Variants in KIF13B observed in about 807,000 individuals in gnomAD.
KIF13B encodes kinesin family member 13B, also known as kinesin-like protein KIF13B.
Under a neutral mutation model 222.0 loss-of-function variants are expected in KIF13B, and 127 were observed. The ratio of observed to expected loss-of-function variants is 0.57; its 90% CI spans 0.50 to 0.66. KIF13B has a LOEUF of 0.66. KIF13B is among the 30% of genes least tolerant of loss of function. The pLI is 0.00. For synonymous variants in KIF13B, 976 were observed against 919.0 expected, an observed-to-expected ratio of 1.06 and a Z score of -1.12; for missense variants, 2,173 against 2,379.0, an observed-to-expected ratio of 0.91 and a Z score of 1.80.
Position 29,118,963 on chromosome 8 carries a change from C to A in KIF13B, c.3565G>T (p.Asp1189Tyr). The change falls in exon 30 of 40, where the codon GAT becomes TAT. Residue 1189 changes from aspartate to tyrosine, a missense_variant. Asp to Tyr is a radical substitution (Grantham distance 160). Transcript: ENST00000524189. ...ADDFSSQDNLDDPEAGGWDAT... is the reference protein window; with the variant it reads ...ADDFSSQDNLYDPEAGGWDAT... The stretch of plus-strand genomic sequence containing the variant: ...TCCCATCCACCAGCTTCTGGGTCAT[C>A]AAGATTATCCTGAGAGCTGAAATCA... 2 of 1,613,832 alleles carry A rather than the reference C, an allele frequency of 1.2e-6. No individual in the cohort carries two copies. Among genetic ancestry groups the A allele is most frequent in the Non-Finnish European group, 1.7e-6 (2 of 1,179,802 alleles).
Position 29,071,864 on chromosome 8 carries a change from G to A in KIF13B, c.4974C>T (p.Ser1658=). The A allele has an allele frequency of 6.5e-7, 1 of 1,536,522 alleles. No individual in the cohort carries two copies. The highest frequency in any genetic ancestry group is 8.7e-7 in the Non-Finnish European group (1 of 1,145,792). The stretch of plus-strand genomic sequence containing the variant: ...GGTCCCCAGCCAGCATGCGCGAGAA[G>A]GAGCGCAACTCCGAGGCCCGCACCC... ...VRRVRASELR[S]FSRMLAGDPG... Residue 1658 remains serine, a synonymous_variant, in exon 39 of 40, where the codon TCC becomes TCT. Coordinates refer to ENST00000524189, the MANE Select transcript of KIF13B (RefSeq NM_015254.4). This position sits in a 1 kb window ranked among gnomAD's most constrained non-coding sequence, Gnocchi z 4.9.
At chr8:29,215,068 T>C (rs1439342976) in intron 2 of KIF13B, among the ~76,000 whole-genome samples, 1 of 152,162 alleles carries the variant, frequency 6.6e-6, no homozygotes, top group Non-Finnish European at 1.5e-5. Flanking sequence ...GACCTGTTGC[T>C]CCGGTGGCTC....
chr8:29,188,821 GAATA>G (rs1813055655), intron 4 of KIF13B, among the ~76,000 whole-genome samples: 1 of 152,160 alleles, frequency 6.6e-6, no homozygotes, highest in Non-Finnish European at 1.5e-5. Flanking sequence ...ATACATGCTT[GAATA>G]AATAAACACG....
At chr8:29,112,209 C>T (rs895333577) in intron 32 of KIF13B, among the ~76,000 whole-genome samples, 1 of 152,076 alleles carries the variant, frequency 6.6e-6, no homozygotes, top group Non-Finnish European at 1.5e-5. Flanking sequence ...CCAGCACGGG[C>T]GGATCACGAG....
At chr8:29,154,222 TGG>T (rs923380460) in intron 14 of KIF13B, among the ~76,000 whole-genome samples, 97 of 151,828 alleles carry the variant, frequency 6.4e-4, no homozygotes, top group African/African-American at 2.2e-3. Context: ...CAGGACGAGG[TGG>T]GAGGATCATT....
At chr8:29,241,895 T>A (rs1586974875) in intron 2 of KIF13B, among the ~76,000 whole-genome samples, 1 of 152,096 alleles carries the variant, frequency 6.6e-6, no homozygotes, top group African/African-American at 2.4e-5. Flanking sequence ...AAAAAAAGTA[T>A]GTTCGAGTTG....
Position 29,210,131 on chromosome 8 carries a change from C to T in KIF13B, c.150-13932G>A, listed in dbSNP as rs141173936. 3.5e-3 allele frequency among the ~76,000 whole-genome samples: 529 copies of T among 151,396 alleles called. 6 individuals are homozygous for T. The highest frequency in any genetic ancestry group is 0.012 in the African/African-American group (505 of 41,276). ...AGTAGTAGGAAGAGTAGTCAGACTA[C>T]CATGGATCAGGGAAGAAATGGGAAA... On this transcript the variant is annotated intron_variant, in intron 2 of 39. Transcript: ENST00000524189.
At chr8:29,158,947 T>G (rs557082575) in intron 13 of KIF13B, among the ~76,000 whole-genome samples, 183 of 152,336 alleles carry the variant, frequency 1.2e-3, no homozygotes, top group African/African-American at 4.2e-3. Context: ...TGTACCAATT[T>G]GAACTACAGT....
intron 37 of KIF13B, among the ~76,000 whole-genome samples, chr8:29,081,799 G>C (rs1586750682): frequency 6.6e-6 from 1 of 152,198 alleles, no homozygotes; most frequent in African/African-American, 2.4e-5. Flanking sequence ...GTGTTGTTGA[G>C]ATGGCACATT....
chr8:29,073,139 AC>A (rs1807389317), intron 38 of KIF13B, among the ~76,000 whole-genome samples: 1 of 50,682 alleles, frequency 2.0e-5, no homozygotes, highest in Non-Finnish European at 3.5e-5. Flanking sequence ...GAGGAGGGGG[AC>A]GAGGAGGGGG....
chr8:29,085,252 CA>C (rs1157006920), intron 37 of KIF13B, among the ~76,000 whole-genome samples: 2 of 152,190 alleles, frequency 1.3e-5, no homozygotes, highest in Non-Finnish European at 2.9e-5. Context: ...AGCTTCTCTG[CA>C]GTTATGGGTC....
At chr8:29,249,216 T>G (rs1816172412) in intron 1 of KIF13B, among the ~76,000 whole-genome samples, 2 of 152,048 alleles carry the variant, frequency 1.3e-5, no homozygotes, top group South Asian at 4.1e-4. Flanking sequence ...TCACTTGAGA[T>G]CAGGAGTCTG....
chr8:29,171,001 G>A (rs1308423374), intron 10 of KIF13B, among the ~76,000 whole-genome samples: 1 of 152,208 alleles, frequency 6.6e-6, no homozygotes, highest in South Asian at 2.1e-4. Context: ...TATTAATGTA[G>A]AAAGATGTTG....
At chr8:29,073,431 A>C (rs868500909) in intron 38 of KIF13B, among the ~76,000 whole-genome samples, 19 of 152,114 alleles carry the variant, frequency 1.2e-4, no homozygotes, top group African/African-American at 4.3e-4. Context: ...CGCTTGCCCA[A>C]ATCCTATTGT....
intron 25 of KIF13B, 56 bp downstream of exon 25, chr8:29,127,066 G>C: frequency 6.5e-7 from 1 of 1,544,196 alleles, no homozygotes; most frequent in Non-Finnish European, 8.8e-7. Flanking sequence ...GGTTCCAAAA[G>C]GCACTCTGGT....
At chr8:29,214,007 C>T (rs1321510609) in intron 2 of KIF13B, among the ~76,000 whole-genome samples, 1 of 151,990 alleles carries the variant, frequency 6.6e-6, no homozygotes, top group East Asian at 1.9e-4. Context: ...AAATACGATA[C>T]AAAAGATTTT....
intron 2 of KIF13B, among the ~76,000 whole-genome samples, chr8:29,229,558 C>T (rs140871303): frequency 1.2e-3 from 178 of 152,332 alleles, no homozygotes; most frequent in African/African-American, 4.1e-3. Context: ...AGAAGATCCA[C>T]AAACTAAAGT....
At chr8:29,230,160 G>A (rs1157037910) in intron 2 of KIF13B, among the ~76,000 whole-genome samples, 1 of 152,128 alleles carries the variant, frequency 6.6e-6, no homozygotes, top group Non-Finnish European at 1.5e-5. Flanking sequence ...AAAGGAAACA[G>A]AGGCTCAGGG....
At chr8:29,156,430 A>G (rs996881538) in intron 13 of KIF13B, among the ~76,000 whole-genome samples, 1 of 152,100 alleles carries the variant, frequency 6.6e-6, no homozygotes, top group Admixed American at 6.6e-5. Flanking sequence ...CTACATCTCT[A>G]TCACCACCCT....
Sources: gnomAD v4.1 joint callset for allele counts (sites outside exome capture counted in the v4.1 genomes callset) on GRCh38, gnomAD v4.1.1 for gene constraint, Gnocchi (gnomAD v3.1) non-coding constraint, MANE v1.5 for transcripts, NCBI Gene and HGNC (gene_info 2026-07-23, HGNC 2026-07-21) for gene names.